DSCAML1: variants seen among roughly 807,000 people sequenced by gnomAD.
DSCAML1 encodes the protein cell adhesion molecule DSCAML1.
In DSCAML1, 38 loss-of-function variants were observed where a neutral mutation model predicts 200.5. That is an observed-to-expected ratio of 0.19 (90% CI 0.15 to 0.25). The LOEUF (loss-of-function observed/expected upper bound fraction) is 0.25, where lower values mean the gene tolerates loss of function less well. Ranked by LOEUF, DSCAML1 falls within the 10% of genes least tolerant of loss-of-function variation. The pLI is 1.00. For missense variants in DSCAML1, 2,223 were observed against 2,858.8 expected (o/e 0.78, Z 5.07); for synonymous variants, 1,215 against 1,165.0 (o/e 1.04, Z -0.87).
In DSCAML1 at chr11:117,709,385, G is replaced by A. The variant is rs113641257; in HGVS notation, c.511+67406C>T. Among the ~76,000 whole-genome samples the A allele has an allele frequency of 3.8e-3, 586 of 152,260 alleles. 3 individuals carry two copies. Among genetic ancestry groups the A allele is most frequent in the African/African-American group, 0.013 (554 of 41,538 alleles). Reference sequence around the variant, plus strand: ...TGTCCTCACATGGCAGATGGAGAGCGAGTGAGCTCTATGGTATCTCTTCCC... The same window carrying A: ...TGTCCTCACATGGCAGATGGAGAGCAAGTGAGCTCTATGGTATCTCTTCCC... On this transcript the variant is annotated intron_variant, in intron 3 of 32. Transcript: ENST00000651296.
chr11:117,495,786 C>CA (rs1224710724), intron 11 of DSCAML1, among the ~76,000 whole-genome samples: 1 of 152,206 alleles, frequency 6.6e-6, no homozygotes, highest in Admixed American at 6.5e-5. Flanking sequence ...TAGATTCTCC[C>CA]AGCTCCTCTG....
At chr11:117,704,479 A>G (rs991608897) in intron 3 of DSCAML1, among the ~76,000 whole-genome samples, 2 of 152,198 alleles carry the variant, frequency 1.3e-5, no homozygotes, top group African/African-American at 4.8e-5. Flanking sequence ...ACAGATGGCA[A>G]AATTGAAGTC....
rs57625808 is a variant in DSCAML1 at position 117,653,512 on chromosome 11, C to G, written c.512-120990G>C. Among the ~76,000 whole-genome samples, 141 of 152,242 alleles carry G rather than the reference C, an allele frequency of 9.3e-4. 1 individual carries two copies. In the East Asian group the frequency reaches 0.012, roughly 13 times the overall value. On this transcript the variant is annotated intron_variant, in intron 3 of 32. Coordinates refer to ENST00000651296, the MANE Select transcript of DSCAML1 (RefSeq NM_020693.4). ...GTCTTCATCCTCCCCTGCTTGTAGA[C>G]CCCCGGGCTAGCCCATGAGCTAGGT...
At chr11:117,584,540 C>G (rs1591293586) in intron 3 of DSCAML1, among the ~76,000 whole-genome samples, 1 of 152,198 alleles carries the variant, frequency 6.6e-6, no homozygotes, top group African/African-American at 2.4e-5. Context: ...AAAACTAGAT[C>G]ACTACTGTCT....
intron 3 of DSCAML1, among the ~76,000 whole-genome samples, chr11:117,641,211 G>A (rs922850481): frequency 2.6e-5 from 4 of 152,196 alleles, no homozygotes; most frequent in African/African-American, 9.7e-5. Context: ...CAGGGTCCTG[G>A]AGAAAGATCA....
At position 117,428,771 on chromosome 11, in the gene DSCAML1, A is replaced by G. The variant is rs1240752979; in HGVS notation, c.5719T>C (p.Ser1907Pro). 1.9e-6 allele frequency: 3 copies of G among 1,609,524 alleles called. No individual in the cohort carries two copies. Among genetic ancestry groups the G allele is most frequent in the Non-Finnish European group, 2.5e-6 (3 of 1,178,666 alleles). ...DYCNLPLYAK[S>P]EAFFRKADGR... ...TCTGCCTTTCGAAAGAAGGCCTCTGACTTGGCATACAGGGGCAGGTTGCAG... is the reference window on the plus strand; with the variant it reads ...TCTGCCTTTCGAAAGAAGGCCTCTGGCTTGGCATACAGGGGCAGGTTGCAG... Residue 1907 changes from serine (S) to proline (P), a missense_variant, in exon 33 of 33, where the codon TCA becomes CCA. By Grantham distance (74) the Ser-to-Pro change is moderately conservative (BLOSUM62 -1). This residue lies in a region of DSCAML1 where 280 missense variants were observed against 213.4 expected (regional missense o/e 1.31). Coordinates refer to ENST00000651296, the MANE Select transcript of DSCAML1 (RefSeq NM_020693.4).
At chr11:117,585,904 G>A (rs116232693) in intron 3 of DSCAML1, among the ~76,000 whole-genome samples, 2,265 of 152,268 alleles carry the variant, frequency 0.015, 49 homozygotes, top group African/African-American at 0.05. Flanking sequence ...GATACCATGC[G>A]CCTTGCACTG....
intron 4 of DSCAML1, among the ~76,000 whole-genome samples, chr11:117,525,445 G>T (rs571992190): frequency 9.9e-5 from 15 of 152,052 alleles, no homozygotes; most frequent in Admixed American, 9.8e-4. Context: ...CCTTTCCCAC[G>T]GAGAGTCCCT....
chr11:117,612,709 C>T (rs1302370526), intron 3 of DSCAML1, among the ~76,000 whole-genome samples: 2 of 152,212 alleles, frequency 1.3e-5, no homozygotes, highest in African/African-American at 2.4e-5. Flanking sequence ...CTGGTGTGCC[C>T]AGGGCCAAAC....
intron 3 of DSCAML1, among the ~76,000 whole-genome samples, chr11:117,700,295 T>C (rs2053645169): frequency 6.6e-6 from 1 of 152,200 alleles, no homozygotes; most frequent in Non-Finnish European, 1.5e-5. Flanking sequence ...GATGCTAAAC[T>C]GAGGTTCAGA....
intron 5 of DSCAML1, among the ~76,000 whole-genome samples, chr11:117,524,241 G>T (rs1465198341): frequency 6.6e-6 from 1 of 152,252 alleles, no homozygotes; most frequent in Non-Finnish European, 1.5e-5. Flanking sequence ...AGGAACCAGG[G>T]TTGACATCCA....
chr11:117,444,231 C>T (rs923996020), intron 20 of DSCAML1, among the ~76,000 whole-genome samples, 192 bp from the exon 21 acceptor site: 2 of 152,182 alleles, frequency 1.3e-5, no homozygotes, highest in Non-Finnish European at 2.9e-5. Flanking sequence ...TCCCTGGGAG[C>T]TGATGGGCCT....
At position 117,707,637 on chromosome 11, in the gene DSCAML1, G is replaced by A. The variant is rs1251082880; in HGVS notation, c.511+69154C>T. On this transcript the variant is annotated intron_variant, in intron 3 of 32. Coordinates refer to ENST00000651296, the MANE Select transcript of DSCAML1 (RefSeq NM_020693.4). Reference sequence around the variant, plus strand: ...CAACCTCTGCCTTCCGGGTTCAAGCGATTCTCCTGCCTCAGCCTCCCGAGT... The same window carrying A: ...CAACCTCTGCCTTCCGGGTTCAAGCAATTCTCCTGCCTCAGCCTCCCGAGT... Among the ~76,000 whole-genome samples the A allele has an allele frequency of 1.5e-4, 23 of 152,228 alleles. 2 individuals are homozygous for A. The highest frequency in any genetic ancestry group is 1.4e-3 in the Admixed American group (22 of 15,304).
intron 3 of DSCAML1, among the ~76,000 whole-genome samples, chr11:117,633,415 A>G (rs1230514645): frequency 6.6e-6 from 1 of 152,210 alleles, no homozygotes; most frequent in African/African-American, 2.4e-5. Context: ...CTCCCTGTCA[A>G]CACAGAAAGA....
chr11:117,635,384 C>T (rs1386535527), intron 3 of DSCAML1, among the ~76,000 whole-genome samples: 2 of 151,958 alleles, frequency 1.3e-5, no homozygotes, highest in East Asian at 1.9e-4. Context: ...CCCGGATATC[C>T]AAGGGATGTG....
chr11:117,654,754 C>T (rs1428877002), intron 3 of DSCAML1, among the ~76,000 whole-genome samples: 1 of 152,178 alleles, frequency 6.6e-6, no homozygotes, highest in Non-Finnish European at 1.5e-5. Context: ...GCCTTGTTCT[C>T]ACCCAGGCAC....
chr11:117,810,634 G>A (rs1475138013), intron 1 of DSCAML1, among the ~76,000 whole-genome samples: 1 of 151,938 alleles, frequency 6.6e-6, no homozygotes, highest in Non-Finnish European at 1.5e-5. Flanking sequence ...ACTCTCACCT[G>A]ACCTAAAATC....
Position 117,518,878 on chromosome 11 carries a change from CT to C in DSCAML1, c.1214-117del. On this transcript the variant is annotated intron_variant, in intron 6 of 32. Coordinates refer to ENST00000651296, the MANE Select transcript of DSCAML1 (RefSeq NM_020693.4). The surrounding 1 kb of genome is among the most constrained non-coding windows in gnomAD (Gnocchi z 6.3). The stretch of plus-strand genomic sequence containing the variant: ...AAGCAGCCATAAGAGCAAACAAGAA[CT>C]TTTGTGTACATCAATTCTTCTGCTA... The C allele has an allele frequency of 1.7e-6, 2 of 1,150,372 alleles. No homozygotes were observed. Among genetic ancestry groups the C allele is most frequent in the Non-Finnish European group, 2.4e-6 (2 of 835,904 alleles). The allele number at this position is 1,150,372 out of a possible 1,614,324, so 71.3% of individuals were successfully genotyped here.
chr11:117,473,016 G>A (rs1489118766), intron 14 of DSCAML1, among the ~76,000 whole-genome samples: 1 of 152,180 alleles, frequency 6.6e-6, no homozygotes, highest in Non-Finnish European at 1.5e-5. Context: ...GCTGAAAAAT[G>A]TTCCCAGGGC....
Sources: allele counts gnomAD v4.1 joint callset (sites outside exome capture counted in the v4.1 genomes callset), GRCh38; gene constraint gnomAD v4.1.1; regional missense constraint gnomAD v4.1.1; non-coding constraint Gnocchi (gnomAD v3.1); transcripts MANE v1.5; gene names NCBI Gene and HGNC (gene_info 2026-07-23, HGNC 2026-07-21).